The following BSDC1 variants were observed in gnomAD, a reference collection of about 807,000 sequenced individuals.
BSDC1 encodes the protein BSD domain containing 1, also known as BSD domain-containing protein 1.
In BSDC1, 29 loss-of-function variants were observed where a neutral mutation model predicts 56.0. That is an observed-to-expected ratio of 0.52 (90% confidence interval 0.39 to 0.71). BSDC1 has a LOEUF of 0.71. Among genes scored for constraint, BSDC1 ranks in the 30% least tolerant of loss-of-function variants. The probability of loss-of-function intolerance (pLI) is 0.00; values close to 1 mark genes in which losing one functional copy is unlikely to be tolerated. For synonymous variants in BSDC1, 210 were observed against 215.3 expected, an observed-to-expected ratio of 0.98 and a Z score of 0.21; for missense variants, 477 against 548.5, an observed-to-expected ratio of 0.87 and a Z score of 1.30.
At chr1:32,377,878 A>G in intron 8 of BSDC1, 92 bp downstream of exon 8, 1 of 1,267,252 alleles carries the variant, frequency 7.9e-7, no homozygotes, top group Non-Finnish European at 1.1e-6. Context: ...CCTGATGGGC[A>G]CCAAGTCTCT....
At chr1:32,377,906 T>C (rs939935631) in intron 8 of BSDC1, 64 bp downstream of exon 8, 1 of 1,495,812 alleles carries the variant, frequency 6.7e-7, no homozygotes, top group Non-Finnish European at 9.1e-7. Context: ...TCAGAGAGCA[T>C]GGCCCAGCCC....
Position 32,365,651 on chromosome 1 carries a change from G to A in BSDC1, c.*971C>T, listed in dbSNP as rs995904197. 4 of 152,642 alleles carry A rather than the reference G, an allele frequency of 2.6e-5. No individual in the cohort carries two copies. The highest frequency in any genetic ancestry group is 7.2e-5 in the African/African-American group (3 of 41,448). The allele number at this position is 152,642 out of a possible 1,614,324, so 9.5% of individuals were successfully genotyped here. A position where few individuals can be genotyped will look rare whatever the true frequency, so the allele number is the denominator to read the frequency against. On this transcript the variant is annotated 3_prime_UTR_variant, in exon 11 of 11. Transcript: ENST00000455895. Reference sequence around the variant, plus strand: ...GAGCTTTTGCAGAAGCCTGATGAGAGTTTCAAGTTCACCCCCAGGATAGCC... The same window carrying A: ...GAGCTTTTGCAGAAGCCTGATGAGAATTTCAAGTTCACCCCCAGGATAGCC...
At chr1:32,377,060 C>T (rs533920395) in intron 8 of BSDC1, among the ~76,000 whole-genome samples, 11 of 152,102 alleles carry the variant, frequency 7.2e-5, no homozygotes, top group Admixed American at 5.2e-4. Flanking sequence ...CGCTTGAACC[C>T]GGGAGGCGGT....
chr1:32,386,539 G>T (rs1164352649), intron 3 of BSDC1: 3 of 386,062 alleles, frequency 7.8e-6, no homozygotes, highest in Admixed American at 4.4e-5. Context: ...TTGTCAACAT[G>T]AATGACTTTG....
intron 4 of BSDC1, 91 bp from the exon 5 acceptor site, chr1:32,381,359 A>C: frequency 1.4e-5 from 17 of 1,247,238 alleles, no homozygotes; most frequent in Non-Finnish European, 1.7e-5. Context: ...GTCAACCACA[A>C]TCCAGCTTCT....
At chr1:32,386,695 T>A (rs778155596) in intron 3 of BSDC1, 84 bp downstream of exon 3, 2 of 891,782 alleles carry the variant, frequency 2.2e-6, no homozygotes, top group Non-Finnish European at 3.3e-6. Context: ...GGAAAAATAA[T>A]CACTTAATGG....
At chr1:32,367,235 G>A (rs2148104728) in intron 10 of BSDC1, 6 of 985,440 alleles carry the variant, frequency 6.1e-6, no homozygotes, top group Non-Finnish European at 7.2e-6. Flanking sequence ...TTCTTGCTTT[G>A]TTCCTACTCT....
chr1:32,387,022 A>C (rs1447333556), intron 2 of BSDC1, 127 bp from the exon 3 acceptor site: 1 of 708,672 alleles, frequency 1.4e-6, no homozygotes, highest in South Asian at 1.7e-5. Flanking sequence ...TTCGGCTCAG[A>C]AACAATGCTC....
intron 4 of BSDC1, among the ~76,000 whole-genome samples, chr1:32,381,941 T>A (rs1038724873): frequency 6.6e-6 from 1 of 152,214 alleles, no homozygotes; most frequent in African/African-American, 2.4e-5. Flanking sequence ...AAAAGTTCAA[T>A]GTGGGCCGGG....
At position 32,394,080 on chromosome 1, in the gene BSDC1, C is replaced by T; in HGVS notation, c.72G>A (p.Lys24=). The change falls in exon 2 of 11, where the codon AAG becomes AAA. Residue 24 remains lysine, a splice_region_variant and synonymous_variant. Transcript: ENST00000455895. ...LQQSYQAVKE[K]SSEALEFMKR... ...GAAGAAGGGCACGGGCCCGGCTTAC[C>T]TTCTCTTTGACTGCTTGGTAGCTCT... 1 of 1,608,514 alleles carries T rather than the reference C, an allele frequency of 6.2e-7. No individual in the cohort carries two copies. The highest frequency in any genetic ancestry group is 8.5e-7 in the Non-Finnish European group (1 of 1,177,812).
chr1:32,378,746 A>G lies in BSDC1; in HGVS notation c.506T>C (p.Ile169Thr). The G allele has an allele frequency of 6.5e-7, 1 of 1,533,590 alleles. No individual in the cohort carries two copies. The highest frequency in any genetic ancestry group is 2.5e-5 in the East Asian group (1 of 40,178). The allele number at this position is 1,533,590 out of a possible 1,614,324, so 95.0% of individuals were successfully genotyped here. Residue 169 changes from isoleucine to threonine, a missense_variant, in exon 6 of 11, where the codon ATC becomes ACC. By Grantham distance (89) the Ile-to-Thr change is moderately conservative. Coordinates refer to ENST00000455895, the MANE Select transcript of BSDC1 (RefSeq NM_018045.8). The surrounding 1 kb of genome is among the most constrained non-coding windows in gnomAD (Gnocchi z 5.2). ...ISELLVGSPS[I>T]RALYTKMVPA... ...CACCATCTTGGTGTAGAGGGCCCGG[A>G]TGGAGGGGCTGCCTACAAGGAGCTC...
chr1:32,385,704 G>A (rs1452070519), intron 3 of BSDC1, among the ~76,000 whole-genome samples: 2 of 152,130 alleles, frequency 1.3e-5, no homozygotes, highest in African/African-American at 4.8e-5. Flanking sequence ...TCCAGCCTGG[G>A]CAAGAGAGAG....
intron 2 of BSDC1, among the ~76,000 whole-genome samples, chr1:32,392,309 A>G (rs1642894313): frequency 6.6e-6 from 1 of 152,194 alleles, no homozygotes; most frequent in Non-Finnish European, 1.5e-5. Flanking sequence ...CAGCCTGGTA[A>G]CAGAGCCAGA....
rs1217665950 is a variant in BSDC1, at chr1:32,368,681, C to T, written c.1157-131G>A. ...CACAAGTCTTTACATTTTGTGTTCACTCTGGCGCACCAATCGTACTTTTTT... is the reference window on the plus strand; with the variant it reads ...CACAAGTCTTTACATTTTGTGTTCATTCTGGCGCACCAATCGTACTTTTTT... On this transcript the variant is annotated intron_variant, in intron 9 of 10. Coordinates refer to ENST00000455895, the MANE Select transcript of BSDC1 (RefSeq NM_018045.8). 12 of 1,303,022 alleles carry T rather than the reference C, an allele frequency of 9.2e-6. No homozygotes were observed. In the East Asian group the frequency reaches 2.9e-4, roughly 32 times the overall value. The allele number at this position is 1,303,022 out of a possible 1,614,324, so 80.7% of individuals were successfully genotyped here.
At chr1:32,386,526 A>G (rs2148137069) in intron 3 of BSDC1, 1 of 377,992 alleles carries the variant, frequency 2.6e-6, no homozygotes, top group African/African-American at 2.1e-5. Flanking sequence ...TGTGTTTTCT[A>G]AATTGTCAAC....
chr1:32,387,577 G>C (rs1557655052), intron 2 of BSDC1, among the ~76,000 whole-genome samples: 2 of 152,198 alleles, frequency 1.3e-5, no homozygotes, highest in African/African-American at 4.8e-5. Flanking sequence ...CCAACCTCAG[G>C]TGATCCGCCC....
chr1:32,369,534 AC>A (rs1264074083), intron 9 of BSDC1, among the ~76,000 whole-genome samples: 1 of 151,886 alleles, frequency 6.6e-6, no homozygotes, highest in African/African-American at 2.4e-5. Context: ...CTCCCCTCGG[AC>A]CCCCAAACAG....
chr1:32,382,863 G>A (rs1418038496), intron 4 of BSDC1, among the ~76,000 whole-genome samples: 10 of 100,350 alleles, frequency 1.0e-4, no homozygotes, highest in African/African-American at 4.0e-4. Flanking sequence ...GAGTGAGACC[G>A]TCTCAAAAAA....
chr1:32,382,867 C>CAAAAAAAAAAA (rs760141230), intron 4 of BSDC1, among the ~76,000 whole-genome samples: 7 of 46,992 alleles, frequency 1.5e-4, no homozygotes, highest in Non-Finnish European at 2.2e-4. Context: ...GAGACCGTCT[C>CAAAAAAAAAAA]AAAAAAAAAA....
Sources: allele counts gnomAD v4.1 joint callset (sites outside exome capture counted in the v4.1 genomes callset), GRCh38; gene constraint gnomAD v4.1.1; non-coding constraint Gnocchi (gnomAD v3.1); transcripts MANE v1.5; gene names NCBI Gene and HGNC (gene_info 2026-07-23, HGNC 2026-07-21).